EPHB1: variants seen among roughly 807,000 people sequenced by gnomAD.
EPHB1 encodes ephrin type-B receptor 1.
A neutral mutation model predicts 94.4 loss-of-function variants in EPHB1; 30 were observed. The observed-to-expected ratio is 0.32, with a 90% CI of 0.24 to 0.43. The LOEUF (loss-of-function observed/expected upper bound fraction) is 0.43. Ranked by LOEUF, EPHB1 falls within the 20% of genes least tolerant of loss-of-function variation. The pLI, the probability that EPHB1 is intolerant of heterozygous loss-of-function variation, is 1.00. For synonymous variants in EPHB1, 522 were observed against 489.1 expected (o/e 1.07, Z -0.89); for missense variants, 1,055 against 1,308.3 (o/e 0.81, Z 2.99).
intron 3 of EPHB1, among the ~76,000 whole-genome samples, chr3:134,968,112 A>T (rs894985122): frequency 6.6e-6 from 1 of 152,232 alleles, no homozygotes; most frequent in Non-Finnish European, 1.5e-5. Flanking sequence ...GAGTTGTTGA[A>T]TCCTGGCTCT....
In EPHB1 at chr3:135,245,909, G is replaced by C. The variant is rs572082672; in HGVS notation, c.2497-2407G>C. 6.6e-5 allele frequency among the ~76,000 whole-genome samples: 10 copies of C among 151,878 alleles called. No homozygotes were observed. The South Asian group carries it at 2.1e-3, about 32-fold the overall frequency. On this transcript the variant is annotated intron_variant, in intron 13 of 15. Coordinates refer to ENST00000398015, the MANE Select transcript of EPHB1 (RefSeq NM_004441.5). ...AGTTACATTCGGTCTAGAGCTCACA[G>C]GCAGAAGACTCAGCATGTGCATGGG...
At chr3:134,892,636 G>A (rs1242189731) in intron 1 of EPHB1, among the ~76,000 whole-genome samples, 1 of 152,054 alleles carries the variant, frequency 6.6e-6, no homozygotes, top group African/African-American at 2.4e-5. Flanking sequence ...GATCTCTCTT[G>A]GTAGGAGTCT....
At position 135,192,723 on chromosome 3, in the gene EPHB1, A is replaced by T. The variant is rs763618783; in HGVS notation, c.2030A>T (p.His677Leu). 9 of 1,614,086 alleles carry T rather than the reference A, an allele frequency of 5.6e-6. No individual in the cohort carries two copies. Among genetic ancestry groups the T allele is most frequent in the Non-Finnish European group, 1.7e-6 (2 of 1,180,050 alleles). The change falls in exon 11 of 16, where the codon CAT (histidine) becomes CTT (leucine). Residue 677 changes from histidine (H) to leucine (L), a missense_variant. Physicochemically the swap from His to Leu is moderately conservative, Grantham distance 99. Coordinates refer to ENST00000398015, the MANE Select transcript of EPHB1 (RefSeq NM_004441.5). Reference sequence around the variant, plus strand: ...GCGAGCATCATGGGCCAGTTCGACCATCCTAACATCATTCGCCTGGAGGGT... The same window carrying T: ...GCGAGCATCATGGGCCAGTTCGACCTTCCTAACATCATTCGCCTGGAGGGT... ...SEASIMGQFDHPNIIRLEGVV... is the reference protein window; with the variant it reads ...SEASIMGQFDLPNIIRLEGVV...
chr3:135,032,629 G>A (rs1323451064), intron 3 of EPHB1, among the ~76,000 whole-genome samples: 1 of 152,212 alleles, frequency 6.6e-6, no homozygotes, highest in Admixed American at 6.5e-5. Context: ...AGTGGCGGGG[G>A]CTGATTGATG....
chr3:135,124,838 C>T (rs574864126), intron 4 of EPHB1, among the ~76,000 whole-genome samples: 1 of 151,640 alleles, frequency 6.6e-6, no homozygotes, highest in South Asian at 2.1e-4. Context: ...TCCTCCTTGC[C>T]CCAGTGAGAT....
In EPHB1 at chr3:134,807,047, A is replaced by G. The variant is rs966365108; in HGVS notation, c.58+11358A>G. 2.6e-5 allele frequency among the ~76,000 whole-genome samples: 4 copies of G among 152,196 alleles called. No homozygotes were observed. The East Asian group carries it at 5.8e-4, about 22-fold the overall frequency. Reference sequence around the variant, plus strand: ...TTGGCTTGATTACAAAATTCTTTTCAGTCAAACTGAACCGAGATGGAATAG... The same window carrying G: ...TTGGCTTGATTACAAAATTCTTTTCGGTCAAACTGAACCGAGATGGAATAG... On this transcript the variant is annotated intron_variant, in intron 1 of 15. Transcript: ENST00000398015.
intron 3 of EPHB1, among the ~76,000 whole-genome samples, chr3:135,004,498 G>A (rs1029333433): frequency 1.5e-4 from 23 of 152,168 alleles, no homozygotes; most frequent in African/African-American, 4.1e-4. Flanking sequence ...GAATCTGAAC[G>A]TTGGCCTGCC....
chr3:134,884,731 G>A (rs1430274609), intron 1 of EPHB1, among the ~76,000 whole-genome samples: 1 of 152,186 alleles, frequency 6.6e-6, no homozygotes, highest in Non-Finnish European at 1.5e-5. Flanking sequence ...AAGGTATGGG[G>A]CACGGTGGAA....
At chr3:135,032,045 A>T (rs1936490031) in intron 3 of EPHB1, among the ~76,000 whole-genome samples, 1 of 152,010 alleles carries the variant, frequency 6.6e-6, no homozygotes, top group African/African-American at 2.4e-5. Flanking sequence ...TTTATCCCTG[A>T]AATTCTGAAA....
In EPHB1 at chr3:135,214,758, T is replaced by C. The variant is rs138584011; in HGVS notation, c.2346+13069T>C. ...TTCCATGCTGAAATCTGTAGGGCCC[T>C]TCCTTTCACAAAATTCGGCCTTCAT... On this transcript the variant is annotated intron_variant, in intron 12 of 15. Coordinates refer to ENST00000398015, the MANE Select transcript of EPHB1 (RefSeq NM_004441.5). 4.6e-3 allele frequency among the ~76,000 whole-genome samples: 697 copies of C among 152,300 alleles called. 10 individuals are homozygous for C. The highest frequency in any genetic ancestry group is 0.016 in the African/African-American group (663 of 41,584).
intron 3 of EPHB1, among the ~76,000 whole-genome samples, chr3:135,062,191 C>T (rs1296126057): frequency 1.3e-5 from 2 of 152,124 alleles, no homozygotes; most frequent in Admixed American, 1.3e-4. Context: ...ACTTCTTTTC[C>T]TTGGGGTAGA....
At chr3:135,181,285 G>A (rs373388706) in intron 10 of EPHB1, among the ~76,000 whole-genome samples, 1 of 152,204 alleles carries the variant, frequency 6.6e-6, no homozygotes, top group Admixed American at 6.5e-5. Flanking sequence ...CCCCTCAGGA[G>A]TTTCAGCTGG....
At chr3:134,941,762 C>CAG (rs1453418245) in intron 2 of EPHB1, among the ~76,000 whole-genome samples, 8 of 119,838 alleles carry the variant, frequency 6.7e-5, no homozygotes, top group Non-Finnish European at 1.0e-4. Context: ...GACACACACA[C>CAG]ACACACACAC....
intron 9 of EPHB1, 122 bp downstream of exon 9, chr3:135,167,128 C>T (rs1941673144): frequency 1.7e-6 from 2 of 1,157,964 alleles, no homozygotes; most frequent in Non-Finnish European, 2.5e-6. Context: ...TCTCTCAGCC[C>T]CCAGTGCCTT....
chr3:135,116,201 G>A (rs977512877), intron 4 of EPHB1, among the ~76,000 whole-genome samples: 5 of 152,170 alleles, frequency 3.3e-5, no homozygotes, highest in Admixed American at 6.5e-5. Context: ...GCAACAGAGC[G>A]AGACTCTGTC....
At chr3:135,010,928 C>T (rs1935599806) in intron 3 of EPHB1, among the ~76,000 whole-genome samples, 1 of 152,206 alleles carries the variant, frequency 6.6e-6, no homozygotes, top group Non-Finnish European at 1.5e-5. Context: ...GCAAGAGCCA[C>T]ACTTGGATAA....
chr3:135,131,619 A>G (rs565271542), intron 4 of EPHB1, among the ~76,000 whole-genome samples: 5 of 152,318 alleles, frequency 3.3e-5, no homozygotes, highest in African/African-American at 1.2e-4. Context: ...TGGGCAGCAG[A>G]TTCTCCAACT....
chr3:135,076,261 A>ATATATATATATATATATATATATATG lies in EPHB1; in HGVS notation c.806-30187_806-30186insTATATATATATATATATATATATATG, dbSNP rs1553729687. On this transcript the variant is annotated intron_variant, in intron 3 of 15. Coordinates refer to ENST00000398015, the MANE Select transcript of EPHB1 (RefSeq NM_004441.5). Reference sequence around the variant, plus strand: ...TATATATATATATATATATATATATAACTCTTAAATGCATTAGTAAAAAGT... The same window carrying ATATATATATATATATATATATATATG: ...TATATATATATATATATATATATATATATATATATATATATATATATATATGACTCTTAAATGCATTAGTAAAAAGT... 2.8e-4 allele frequency among the ~76,000 whole-genome samples: 32 copies of ATATATATATATATATATATATATATG among 112,534 alleles called. 1 individual carries two copies. Among genetic ancestry groups the ATATATATATATATATATATATATATG allele is most frequent in the East Asian group, 8.9e-4 (4 of 4,472 alleles). 73.8% of individuals were successfully genotyped at this position (112,534 alleles called of 152,430 possible).
intron 9 of EPHB1, 25 bp from the exon 10 acceptor site, chr3:135,179,835 A>G (rs745857065): frequency 1.2e-6 from 2 of 1,613,202 alleles, no homozygotes; most frequent in South Asian, 2.2e-5. Context: ...TTGGGATGTT[A>G]ACCCTGCTTA....
Sources: gnomAD v4.1 joint callset for allele counts (sites outside exome capture counted in the v4.1 genomes callset) on GRCh38, gnomAD v4.1.1 for gene constraint, MANE v1.5 for transcripts, NCBI Gene and HGNC (gene_info 2026-07-23, HGNC 2026-07-21) for gene names.